Variants in TOM1 observed in about 807,000 individuals in gnomAD.
TOM1 encodes the protein target of myb1 membrane trafficking protein.
A neutral mutation model predicts 61.3 loss-of-function variants in TOM1; 38 were observed. That is an observed-to-expected ratio of 0.62 (90% CI 0.48 to 0.81). The LOEUF (loss-of-function observed/expected upper bound fraction) is 0.81, where lower values mean the gene tolerates loss of function less well. Among genes scored for constraint, TOM1 ranks in the 40% least tolerant of loss-of-function variants. The pLI is 0.00. For missense variants in TOM1, 591 were observed against 659.6 expected (o/e 0.90, Z 1.14); for synonymous variants, 270 against 268.8 (o/e 1.00, Z -0.04).
rs916594209 is a variant in TOM1 at position 35,342,004 on chromosome 22, G to A, written c.1224+3216G>A. ...ACAAAACAGCATCAAAACCAGGCGC[G>A]GTGGCAGGTACCTGTAGTGCCAGCT... On this transcript the variant is annotated intron_variant, in intron 12 of 14. Transcript: ENST00000449058. 2.6e-4 allele frequency among the ~76,000 whole-genome samples: 40 copies of A among 152,062 alleles called. 1 individual carries two copies. Among genetic ancestry groups the A allele is most frequent in the Admixed American group, 2.2e-3 (33 of 15,258 alleles).
Position 35,322,905 on chromosome 22 carries a change from A to G in TOM1, c.217-123A>G. Reference sequence around the variant, plus strand: ...CCTCCACATTCAAGGGTCTCACTCCAGGAAGTCCCATCTCCTCTCCCGGGC... The same window carrying G: ...CCTCCACATTCAAGGGTCTCACTCCGGGAAGTCCCATCTCCTCTCCCGGGC... On this transcript the variant is annotated intron_variant, in intron 3 of 14. Transcript: ENST00000449058. 7.6e-6 allele frequency: 9 copies of G among 1,179,616 alleles called. No homozygotes were observed. The South Asian group carries it at 1.4e-4, about 18-fold the overall frequency. The allele number at this position is 1,179,616 out of a possible 1,614,324, so 73.1% of individuals were successfully genotyped here.
Position 35,330,087 on chromosome 22 carries a change from G to A in TOM1, c.766-260G>A, listed in dbSNP as rs541209182. ...GAGGTCAGGAGATCGAGACCACCCT[G>A]GCTAATATGGCGAAACCCCGTCTCT... On this transcript the variant is annotated intron_variant, in intron 7 of 14. Transcript: ENST00000449058. Among the ~76,000 whole-genome samples, 8 of 152,108 alleles carry A rather than the reference G, an allele frequency of 5.3e-5. No homozygotes were observed. The South Asian group carries it at 1.7e-3, about 32-fold the overall frequency.
At chr22:35,308,431 G>A (rs973151897) in intron 1 of TOM1, among the ~76,000 whole-genome samples, 3 of 151,670 alleles carry the variant, frequency 2.0e-5, no homozygotes, top group South Asian at 4.2e-4. Flanking sequence ...CTACAGGCGC[G>A]TGCCACCACA....
At chr22:35,306,619 A>G (rs927253225) in intron 1 of TOM1, among the ~76,000 whole-genome samples, 34 of 152,306 alleles carry the variant, frequency 2.2e-4, no homozygotes, top group Middle Eastern at 3.4e-3. Context: ...CGTCTGTACA[A>G]TGAGGATAAT....
At chr22:35,341,318 A>C (rs1929864711) in intron 12 of TOM1, among the ~76,000 whole-genome samples, 1 of 152,192 alleles carries the variant, frequency 6.6e-6, no homozygotes, top group East Asian at 1.9e-4. Context: ...CAGTACCGCC[A>C]TGTCCTCATC....
At chr22:35,343,730 AC>A (rs1930218093) in intron 12 of TOM1, among the ~76,000 whole-genome samples, 1 of 88,818 alleles carries the variant, frequency 1.1e-5, no homozygotes, top group South Asian at 3.2e-4. Flanking sequence ...ACACATCTAC[AC>A]CCACCACACC....
chr22:35,300,102 C>G, intron 1 of TOM1, 122 bp downstream of exon 1: 1 of 1,099,334 alleles, frequency 9.1e-7, no homozygotes, highest in Admixed American at 2.4e-5. Flanking sequence ...GCGTGTAGCT[C>G]TCCGACCTGG....
At chr22:35,320,632 C>T (rs930322554) in intron 2 of TOM1, among the ~76,000 whole-genome samples, 13 of 152,118 alleles carry the variant, frequency 8.5e-5, no homozygotes, top group Admixed American at 5.9e-4. Flanking sequence ...GGCCCAACTA[C>T]AAGACCACCC....
intron 1 of TOM1, among the ~76,000 whole-genome samples, chr22:35,301,654 G>C (rs1925803102): frequency 6.6e-6 from 1 of 152,042 alleles, no homozygotes; most frequent in Non-Finnish European, 1.5e-5. Flanking sequence ...TTGTCGACCC[G>C]GCTCTGTGTT....
chr22:35,316,448 G>T (rs910514764), intron 1 of TOM1, among the ~76,000 whole-genome samples: 1 of 152,238 alleles, frequency 6.6e-6, no homozygotes, highest in Non-Finnish European at 1.5e-5. Context: ...CCTAAAGACC[G>T]TTTACAAAGG....
At chr22:35,318,031 T>TGGAAGGG in intron 2 of TOM1, 70 bp downstream of exon 2, 9 of 1,364,580 alleles carry the variant, frequency 6.6e-6, no homozygotes, top group East Asian at 2.3e-5. Context: ...TCCTGCACCC[T>TGGAAGGG]TCCAGGGAGC....
chr22:35,331,351 G>A (rs1928831067), intron 8 of TOM1: 1 of 453,772 alleles, frequency 2.2e-6, no homozygotes, highest in African/African-American at 2.0e-5. Context: ...GCCTCAAGCA[G>A]TCCTCCCTCC....
intron 1 of TOM1, among the ~76,000 whole-genome samples, chr22:35,303,050 T>TC (rs1925986151): frequency 6.6e-6 from 1 of 151,958 alleles, no homozygotes; most frequent in Admixed American, 6.6e-5. Context: ...TTGACATCCC[T>TC]CAGATGGTGA....
At chr22:35,318,421 T>C (rs1199849074) in intron 2 of TOM1, 1 of 166,866 alleles carries the variant, frequency 6.0e-6, no homozygotes, top group Non-Finnish European at 1.3e-5. Context: ...ATCACAAGGA[T>C]GGCAGGGAAA....
intron 12 of TOM1, among the ~76,000 whole-genome samples, chr22:35,343,393 A>C (rs111163934): frequency 0.061 from 449 of 7,302 alleles, no homozygotes; most frequent in Middle Eastern, 0.33. Flanking sequence ...TCCACTCATA[A>C]ACCTACACAC....
chr22:35,327,271 A>G lies in TOM1; in HGVS notation c.649A>G (p.Ile217Val). The change falls in exon 7 of 15, where the codon ATT becomes GTT. Residue 217 changes from isoleucine to valine, a missense_variant and splice_region_variant. Ile to Val is a conservative substitution (Grantham distance 29, BLOSUM62 3). Coordinates refer to ENST00000449058, the MANE Select transcript of TOM1 (RefSeq NM_005488.3). ...CACCACGATCAACTGTGTGTTTCAG[A>G]TTGGGAAGCTGCGCAGTGAGCTGGA... ...DTPIAPTPEQIGKLRSELEMV... is the reference protein window; with the variant it reads ...DTPIAPTPEQVGKLRSELEMV... 6.2e-7 allele frequency: 1 copy of G among 1,613,764 alleles called. No homozygotes were observed. The highest frequency in any genetic ancestry group is 8.5e-7 in the Non-Finnish European group (1 of 1,179,798).
chr22:35,346,811 A>T, intron 13 of TOM1, 119 bp from the exon 14 acceptor site: 1 of 959,602 alleles, frequency 1.0e-6, no homozygotes, highest in South Asian at 1.5e-5. Context: ...GGGCGTGCAG[A>T]GCCTGAGCTG....
intron 8 of TOM1, 76 bp from the exon 9 acceptor site, chr22:35,332,905 T>G (rs1261834772): frequency 6.7e-7 from 1 of 1,482,796 alleles, no homozygotes; most frequent in Non-Finnish European, 9.4e-7. Context: ...ACCCACAGTT[T>G]GAAAAGCTCT....
chr22:35,345,483 G>A, intron 12 of TOM1: 1 of 583,528 alleles, frequency 1.7e-6, no homozygotes. Context: ...AGGGGAAGGA[G>A]CTCCCTCTGA....
Sources: gnomAD v4.1 joint callset for allele counts (sites outside exome capture counted in the v4.1 genomes callset) on GRCh38, gnomAD v4.1.1 for gene constraint, MANE v1.5 for transcripts, NCBI Gene and HGNC (gene_info 2026-07-23, HGNC 2026-07-21) for gene names.